Variants in FBLN5 observed in about 807,000 individuals in gnomAD.
The protein encoded by FBLN5 is fibulin 5.
FBLN5 carries 24 observed loss-of-function variants against 61.6 expected under a neutral mutation model. The ratio of observed to expected loss-of-function variants is 0.39; its 90% confidence interval spans 0.28 to 0.55. The LOEUF (loss-of-function observed/expected upper bound fraction) is 0.55. FBLN5 is among the 20% of genes least tolerant of loss of function. The pLI, the probability that FBLN5 is intolerant of heterozygous loss-of-function variation, is 0.65. For missense variants in FBLN5, 470 were observed against 594.1 expected, an observed-to-expected ratio of 0.79 and a Z score of 2.17; for synonymous variants, 213 against 219.8, an observed-to-expected ratio of 0.97 and a Z score of 0.27.
chr14:91,887,162 G>C, intron 7 of FBLN5, 31 bp downstream of exon 7: 1 of 1,613,034 alleles, frequency 6.2e-7, no homozygotes, highest in Non-Finnish European at 8.5e-7. Flanking sequence ...CCCAAGTACA[G>C]GTGGAAGTTT....
intron 3 of FBLN5, among the ~76,000 whole-genome samples, chr14:91,939,192 T>A (rs1229398926): frequency 6.6e-6 from 1 of 152,182 alleles, no homozygotes; most frequent in Non-Finnish European, 1.5e-5. Flanking sequence ...TCATATGCCC[T>A]ATGCTCTGTC....
chr14:91,914,477 CAAAAAAAAAAAAAAA>C (rs57302887), intron 4 of FBLN5, among the ~76,000 whole-genome samples: 9 of 58,620 alleles, frequency 1.5e-4, no homozygotes, highest in Non-Finnish European at 2.6e-4. Context: ...GACTCTGTCT[CAAAAAAAAAAAAAAA>C]AAAAAAAAAC....
chr14:91,873,280 C>T (rs983658878), intron 10 of FBLN5, among the ~76,000 whole-genome samples: 7 of 152,278 alleles, frequency 4.6e-5, no homozygotes, highest in South Asian at 4.1e-4. Context: ...AGGATGGTGG[C>T]GACAGTGATG....
intron 4 of FBLN5, among the ~76,000 whole-genome samples, chr14:91,900,927 G>T (rs1433834101): frequency 1.3e-5 from 2 of 152,184 alleles, no homozygotes; most frequent in Non-Finnish European, 2.9e-5. Context: ...GGTTTCATGG[G>T]CTATAAGCAT....
chr14:91,889,720 C>T (rs1034779522), intron 6 of FBLN5, among the ~76,000 whole-genome samples: 2 of 152,246 alleles, frequency 1.3e-5, no homozygotes, highest in Admixed American at 6.5e-5. Flanking sequence ...GAGTATGCGA[C>T]GCCCTGTGCT....
intron 4 of FBLN5, among the ~76,000 whole-genome samples, chr14:91,932,080 C>G (rs535087495): frequency 1.3e-5 from 2 of 152,188 alleles, no homozygotes; most frequent in African/African-American, 4.8e-5. Flanking sequence ...CCTGCTTACC[C>G]GTTAACCATG....
Position 91,937,032 on chromosome 14 carries a change from T to C in FBLN5, c.294A>G (p.Pro98=). The C allele has an allele frequency of 6.2e-7, 1 of 1,613,626 alleles. No homozygotes were observed. Among genetic ancestry groups the C allele is most frequent in the South Asian group, 1.1e-5 (1 of 91,048 alleles). Residue 98 remains proline (P), a synonymous_variant, in exon 4 of 11, where the codon CCA becomes CCG. Transcript: ENST00000342058. ...YSGPYPAAAP[P]LSAPNYPTIS... ...TCGTGGGATAGTTTGGAGCTGAGAG[T>C]GGTGGGGCAGCTGCTGGGTACGGAC...
intron 4 of FBLN5, among the ~76,000 whole-genome samples, chr14:91,917,421 C>T (rs1286716346): frequency 6.6e-6 from 1 of 151,746 alleles, no homozygotes; most frequent in Non-Finnish European, 1.5e-5. Context: ...ACTAAAAATA[C>T]ACACATTAGC....
intron 4 of FBLN5, among the ~76,000 whole-genome samples, chr14:91,926,768 C>T (rs1300692715): frequency 1.4e-5 from 2 of 145,432 alleles, no homozygotes; most frequent in South Asian, 2.2e-4. Flanking sequence ...CTTGCAGGTA[C>T]GTGGAGTGGA....
intron 7 of FBLN5, 53 bp downstream of exon 7, chr14:91,887,140 C>G: frequency 6.2e-7 from 1 of 1,608,436 alleles, no homozygotes. Context: ...GCCCTTCAAC[C>G]CCTGCCCAGG....
chr14:91,912,662 T>G (rs1364779359), intron 4 of FBLN5, among the ~76,000 whole-genome samples: 1 of 151,386 alleles, frequency 6.6e-6, no homozygotes, highest in African/African-American at 2.4e-5. Context: ...AGAAAAAAAT[T>G]AGCTGGGCAT....
chr14:91,916,399 A>G lies in FBLN5; in HGVS notation c.379+20548T>C, dbSNP rs138579886. ...GAGGCGGAGGTTGCCGTGAGAGGAG[A>G]TCGCACCACTGCACTCCTGCCTGGG... On this transcript the variant is annotated intron_variant, in intron 4 of 10. Coordinates refer to ENST00000342058, the MANE Select transcript of FBLN5 (RefSeq NM_006329.4). 6.8e-4 allele frequency among the ~76,000 whole-genome samples: 103 copies of G among 152,296 alleles called. 3 individuals are homozygous for G. In the East Asian group the frequency reaches 0.018, roughly 27 times the overall value.
chr14:91,897,026 C>T (rs1034350158), intron 4 of FBLN5, among the ~76,000 whole-genome samples: 59 of 152,266 alleles, frequency 3.9e-4, no homozygotes, highest in African/African-American at 1.4e-3. Flanking sequence ...CCTGCAACAG[C>T]CCAACACTAA....
chr14:91,931,651 A>G (rs1738368685), intron 4 of FBLN5, among the ~76,000 whole-genome samples: 1 of 152,208 alleles, frequency 6.6e-6, no homozygotes, highest in Non-Finnish European at 1.5e-5. Context: ...CTGCTTTCTC[A>G]GCCGCAAAAT....
chr14:91,876,552 G>A (rs1889171063), intron 10 of FBLN5, among the ~76,000 whole-genome samples: 1 of 152,212 alleles, frequency 6.6e-6, no homozygotes. Context: ...ACTCGCAGGT[G>A]TTAATATAAG....
Position 91,870,151 on chromosome 14 carries a change from T to C in FBLN5, c.*73A>G. ...CCTAACGTCTGTGTCGCTCTCATTC[T>C]CTCTGTTATTTCCTCTCTTCTCCTG... is the stretch of plus-strand genomic sequence containing the variant. On this transcript the variant is annotated 3_prime_UTR_variant, in exon 11 of 11. Transcript: ENST00000342058. 1 of 1,460,542 alleles carries C rather than the reference T, an allele frequency of 6.8e-7. No individual in the cohort carries two copies. Among genetic ancestry groups the C allele is most frequent in the Non-Finnish European group, 9.6e-7 (1 of 1,041,200 alleles). 90.5% of individuals were successfully genotyped at this position (1,460,542 alleles called of 1,614,324 possible).
intron 4 of FBLN5, among the ~76,000 whole-genome samples, chr14:91,921,332 G>A (rs2055730512): frequency 1.3e-5 from 2 of 152,186 alleles, no homozygotes; most frequent in South Asian, 2.1e-4. Flanking sequence ...GGTTCCAGCT[G>A]AGCCTTCAGC....
intron 7 of FBLN5, among the ~76,000 whole-genome samples, chr14:91,884,805 G>A (rs1362385163): frequency 6.6e-6 from 1 of 152,242 alleles, no homozygotes; most frequent in Non-Finnish European, 1.5e-5. Context: ...AACTCCCACT[G>A]GGCAGGGAGG....
chr14:91,876,330 A>G (rs1298069652), intron 10 of FBLN5, among the ~76,000 whole-genome samples: 1 of 152,206 alleles, frequency 6.6e-6, no homozygotes, highest in Admixed American at 6.5e-5. Flanking sequence ...GGACCTTTTC[A>G]ATATGGCTCC....
Sources: allele counts gnomAD v4.1 joint callset (sites outside exome capture counted in the v4.1 genomes callset), GRCh38; gene constraint gnomAD v4.1.1; transcripts MANE v1.5; gene names NCBI Gene and HGNC (gene_info 2026-07-23, HGNC 2026-07-21).